The following B3GALT1 variants were observed in gnomAD, a reference collection of about 807,000 sequenced individuals.
B3GALT1 encodes UDP-Gal:betaGlcNAc beta 1,3-galactosyltransferase, polypeptide 1.
In B3GALT1, 10 loss-of-function variants were observed where a neutral mutation model predicts 23.2. The ratio of observed to expected loss-of-function variants is 0.43; its 90% CI spans 0.27 to 0.73. The LOEUF (loss-of-function observed/expected upper bound fraction) is 0.73, where lower values mean the gene tolerates loss of function less well. B3GALT1 is among the 30% of genes least tolerant of loss of function. The pLI is 0.21. For missense variants in B3GALT1, 299 were observed against 405.4 expected (o/e 0.74, Z 2.25); for synonymous variants, 156 against 141.5 (o/e 1.10, Z -0.73).
At chr2:167,762,666 G>A (rs1458090051) in intron 3 of B3GALT1, among the ~76,000 whole-genome samples, 9 of 151,934 alleles carry the variant, frequency 5.9e-5, no homozygotes, top group Admixed American at 3.3e-4. Flanking sequence ...TTTGGGTGCC[G>A]ATGGGACTGA....
Position 167,631,708 on chromosome 2 carries a change from T to G in B3GALT1, c.-409-15201T>G, listed in dbSNP as rs147362017. Among the ~76,000 whole-genome samples the G allele has an allele frequency of 2.6e-5, 4 of 151,202 alleles. No homozygotes were observed. In the East Asian group the frequency reaches 7.8e-4, roughly 30 times the overall value. On this transcript the variant is annotated intron_variant, in intron 2 of 4. Transcript: ENST00000392690. ...TGAATAGTAGTTTTTTAGAATAGGA[T>G]AACTACAAATACTAGCTTTCTTTCC...
At chr2:167,718,028 TAGG>T (rs1264927860) in intron 3 of B3GALT1, among the ~76,000 whole-genome samples, 1 of 152,162 alleles carries the variant, frequency 6.6e-6, no homozygotes, top group Admixed American at 6.5e-5. Context: ...TTTGTCCAGT[TAGG>T]GGGAGGTCTT....
At chr2:167,722,600 C>G (rs1437334220) in intron 3 of B3GALT1, among the ~76,000 whole-genome samples, 2 of 152,032 alleles carry the variant, frequency 1.3e-5, no homozygotes, top group Non-Finnish European at 2.9e-5. Flanking sequence ...CCACTGAAGC[C>G]AGAATTTTAC....
chr2:167,448,797 A>T (rs1699042759), intron 1 of B3GALT1, among the ~76,000 whole-genome samples: 1 of 152,142 alleles, frequency 6.6e-6, no homozygotes, highest in African/African-American at 2.4e-5. Context: ...ATTAGGATTC[A>T]GTTTCATTCT....
At chr2:167,618,852 G>A (rs1399376299) in intron 2 of B3GALT1, among the ~76,000 whole-genome samples, 1 of 151,920 alleles carries the variant, frequency 6.6e-6, no homozygotes, top group African/African-American at 2.4e-5. Flanking sequence ...AGTGCATCAA[G>A]AACCAAATTA....
At chr2:167,725,274 AC>A (rs1687294433) in intron 3 of B3GALT1, among the ~76,000 whole-genome samples, 1 of 152,162 alleles carries the variant, frequency 6.6e-6, no homozygotes, top group Admixed American at 6.5e-5. Flanking sequence ...AGAAGCACTG[AC>A]TGGCTTCTAT....
At chr2:167,351,590 AGAG>A (rs1252753201) in intron 1 of B3GALT1, among the ~76,000 whole-genome samples, 1 of 152,208 alleles carries the variant, frequency 6.6e-6, no homozygotes, top group African/African-American at 2.4e-5. Flanking sequence ...AAGTGTGTGT[AGAG>A]GAGTGGTCAG....
At chr2:167,677,033 CATAG>C (rs1379790466) in intron 3 of B3GALT1, among the ~76,000 whole-genome samples, 14 of 151,900 alleles carry the variant, frequency 9.2e-5, no homozygotes, top group African/African-American at 2.7e-4. Flanking sequence ...AATATGTATA[CATAG>C]ATAGAGAATA....
intron 1 of B3GALT1, among the ~76,000 whole-genome samples, chr2:167,428,956 T>A (rs1248768467): frequency 6.6e-6 from 1 of 152,020 alleles, no homozygotes; most frequent in African/African-American, 2.4e-5. Flanking sequence ...TTCGAGGAGA[T>A]TACACAAATA....
At chr2:167,660,776 C>T (rs1005881852) in intron 3 of B3GALT1, among the ~76,000 whole-genome samples, 3 of 152,032 alleles carry the variant, frequency 2.0e-5, no homozygotes, top group African/African-American at 7.2e-5. Context: ...GCTTATCAAA[C>T]GATTTTCACA....
At chr2:167,812,101 C>T (rs1224996508) in intron 3 of B3GALT1, among the ~76,000 whole-genome samples, 7 of 152,206 alleles carry the variant, frequency 4.6e-5, no homozygotes. Context: ...AAAACAACTG[C>T]CCCCAGATGG....
chr2:167,560,867 A>G (rs1683969944), intron 2 of B3GALT1, among the ~76,000 whole-genome samples: 3 of 152,064 alleles, frequency 2.0e-5, no homozygotes, highest in Non-Finnish European at 4.4e-5. Context: ...GGAGACTTTA[A>G]CACCCCACTG....
At chr2:167,487,000 TA>T (rs1461534271) in intron 1 of B3GALT1, among the ~76,000 whole-genome samples, 6 of 152,256 alleles carry the variant, frequency 3.9e-5, no homozygotes, top group South Asian at 2.1e-4. Flanking sequence ...ATATGTACTT[TA>T]AAAAAATATT....
Position 167,526,342 on chromosome 2 carries a change from C to T in B3GALT1, c.-410+36065C>T, listed in dbSNP as rs184452988. ...TTTTATTTCTCTGTAACTTCCATCT[C>T]TGAGGGTGTGAACAACATGGCTGTC... On this transcript the variant is annotated intron_variant, in intron 2 of 4. Transcript: ENST00000392690. Among the ~76,000 whole-genome samples, 28 of 152,262 alleles carry T rather than the reference C, an allele frequency of 1.8e-4. No homozygotes were observed. In the East Asian group the frequency reaches 5.2e-3, roughly 28 times the overall value.
At chr2:167,627,262 A>G (rs987914982) in intron 2 of B3GALT1, among the ~76,000 whole-genome samples, 3 of 151,744 alleles carry the variant, frequency 2.0e-5, no homozygotes. Context: ...ACTACAATCA[A>G]GATGTAGAAT....
chr2:167,360,971 C>A (rs1490323020), intron 1 of B3GALT1, among the ~76,000 whole-genome samples: 1 of 152,090 alleles, frequency 6.6e-6, no homozygotes, highest in South Asian at 2.1e-4. Flanking sequence ...TCTTTCTGTA[C>A]CTGGCTTATT....
intron 3 of B3GALT1, among the ~76,000 whole-genome samples, chr2:167,649,042 G>A (rs1685808591): frequency 6.6e-6 from 1 of 152,082 alleles, no homozygotes; most frequent in South Asian, 2.1e-4. Context: ...TGTGACCATA[G>A]TAAGAGCAAA....
At chr2:167,409,870 G>A (rs769079230) in intron 1 of B3GALT1, among the ~76,000 whole-genome samples, 20 of 151,876 alleles carry the variant, frequency 1.3e-4, no homozygotes, top group Non-Finnish European at 2.5e-4. Flanking sequence ...ACAGTGTGGC[G>A]ATTTCTCAAG....
At chr2:167,429,918 T>C (rs1698683471) in intron 1 of B3GALT1, among the ~76,000 whole-genome samples, 1 of 152,254 alleles carries the variant, frequency 6.6e-6, no homozygotes, top group Non-Finnish European at 1.5e-5. Flanking sequence ...ACTTGCTATA[T>C]GCAAGATGCC....
Sources: gnomAD v4.1 joint callset for allele counts (sites outside exome capture counted in the v4.1 genomes callset) on GRCh38, gnomAD v4.1.1 for gene constraint, MANE v1.5 for transcripts, NCBI Gene and HGNC (gene_info 2026-07-23, HGNC 2026-07-21) for gene names.